The following VEPH1 variants were observed in gnomAD, a reference collection of about 807,000 sequenced individuals.
VEPH1 encodes ventricular zone-expressed PH domain-containing protein homolog 1.
A neutral mutation model predicts 85.2 loss-of-function variants in VEPH1; 80 were observed. That is an observed-to-expected ratio of 0.94 (90% CI 0.78 to 1.13). The LOEUF (loss-of-function observed/expected upper bound fraction) is 1.13, where lower values mean the gene tolerates loss of function less well. Ranked by LOEUF, VEPH1 falls within the 50% of genes most tolerant of loss-of-function variation. The probability of loss-of-function intolerance (pLI) is 0.00; values close to 1 mark genes in which losing one functional copy is unlikely to be tolerated. For missense variants in VEPH1, 955 were observed against 980.5 expected, an observed-to-expected ratio of 0.97 and a Z score of 0.35; for synonymous variants, 297 against 348.0, an observed-to-expected ratio of 0.85 and a Z score of 1.63.
chr3:157,349,661 A>G (rs1294342800), intron 9 of VEPH1, among the ~76,000 whole-genome samples: 7 of 152,188 alleles, frequency 4.6e-5, no homozygotes, highest in Non-Finnish European at 1.0e-4. Context: ...AACTCTAAGA[A>G]TTAATAAATG....
At chr3:157,472,805 A>C (rs1737088006) in intron 2 of VEPH1, among the ~76,000 whole-genome samples, 1 of 152,168 alleles carries the variant, frequency 6.6e-6, no homozygotes, top group East Asian at 1.9e-4. Context: ...TCTGCTAAGG[A>C]TAATGGCCTC....
intron 4 of VEPH1, among the ~76,000 whole-genome samples, chr3:157,434,082 T>C: frequency 6.6e-6 from 1 of 152,202 alleles, no homozygotes; most frequent in East Asian, 1.9e-4. Context: ...CAGAGATATC[T>C]TCCTGTTAAA....
rs376999880 is a variant in VEPH1 at position 157,498,573 on chromosome 3, T to C, written c.-157-3067A>G. Among the ~76,000 whole-genome samples the C allele has an allele frequency of 3.3e-5, 5 of 152,122 alleles. No individual in the cohort carries two copies. The East Asian group carries it at 9.6e-4, about 29-fold the overall frequency. On this transcript the variant is annotated intron_variant, in intron 1 of 13. Coordinates refer to ENST00000362010, the MANE Select transcript of VEPH1 (RefSeq NM_001167912.2). Reference sequence around the variant, plus strand: ...AAGTCAGGATTGAAGGCAGCTGGTCTCCCAGGATAGTTGTATTCATGACTG... The same window carrying C: ...AAGTCAGGATTGAAGGCAGCTGGTCCCCCAGGATAGTTGTATTCATGACTG...
intron 12 of VEPH1, among the ~76,000 whole-genome samples, chr3:157,269,679 T>C (rs1177644621): frequency 1.4e-5 from 2 of 138,246 alleles, no homozygotes; most frequent in Non-Finnish European, 3.1e-5. Flanking sequence ...ATCTAACATA[T>C]GCATGGCTGG....
intron 9 of VEPH1, among the ~76,000 whole-genome samples, chr3:157,328,908 A>C (rs1213806125): frequency 2.6e-5 from 4 of 152,206 alleles, no homozygotes; most frequent in African/African-American, 9.6e-5. Context: ...GTTTTGTGGA[A>C]GAATCTGAGG....
At chr3:157,290,385 A>G (rs1010450646) in intron 11 of VEPH1, among the ~76,000 whole-genome samples, 7 of 152,178 alleles carry the variant, frequency 4.6e-5, no homozygotes, top group African/African-American at 1.7e-4. Flanking sequence ...CTAAGTTACA[A>G]CTGAAATCCT....
intron 4 of VEPH1, among the ~76,000 whole-genome samples, chr3:157,438,803 C>T (rs142705545): frequency 3.3e-4 from 50 of 152,290 alleles, no homozygotes; most frequent in African/African-American, 1.1e-3. Flanking sequence ...CCAATCAATA[C>T]TCCTTTGTAT....
chr3:157,481,467 A>ACAC (rs60293047), intron 2 of VEPH1, among the ~76,000 whole-genome samples: 104 of 53,482 alleles, frequency 1.9e-3, no homozygotes, highest in African/African-American at 3.8e-3. Context: ...CACACACACA[A>ACAC]AAAAAAAAAA....
intron 7 of VEPH1, among the ~76,000 whole-genome samples, chr3:157,380,043 C>T (rs1728585965): frequency 6.6e-6 from 1 of 151,118 alleles, no homozygotes; most frequent in Admixed American, 6.6e-5. Context: ...CAAATAAAAC[C>T]CCTCCCTCAA....
At chr3:157,347,145 T>G (rs1305977652) in intron 9 of VEPH1, among the ~76,000 whole-genome samples, 3 of 152,192 alleles carry the variant, frequency 2.0e-5, no homozygotes, top group Non-Finnish European at 4.4e-5. Context: ...TTTGTCTTGT[T>G]TCTTTTACAG....
chr3:157,374,790 G>T (rs777366978), intron 7 of VEPH1, among the ~76,000 whole-genome samples: 2 of 152,190 alleles, frequency 1.3e-5, no homozygotes, highest in Non-Finnish European at 2.9e-5. Flanking sequence ...CACAAAGAGG[G>T]CATTCTAGAA....
chr3:157,449,947 T>C (rs973262479), intron 4 of VEPH1, among the ~76,000 whole-genome samples: 2 of 151,404 alleles, frequency 1.3e-5, no homozygotes, highest in African/African-American at 4.8e-5. Context: ...TTATTATGAC[T>C]AGTATGTAAG....
chr3:157,473,005 G>A (rs909567987), intron 2 of VEPH1, among the ~76,000 whole-genome samples: 2 of 135,900 alleles, frequency 1.5e-5, no homozygotes, highest in African/African-American at 2.8e-5. Context: ...TCTTTTTGTT[G>A]TTGTTAACAA....
At chr3:157,391,973 C>T (rs1288821759) in intron 6 of VEPH1, among the ~76,000 whole-genome samples, 2 of 152,080 alleles carry the variant, frequency 1.3e-5, no homozygotes, top group South Asian at 2.1e-4. Context: ...TTTCATACCC[C>T]GCCATACTAA....
chr3:157,442,347 T>C (rs776948078), intron 4 of VEPH1: 9 of 1,547,672 alleles, frequency 5.8e-6, no homozygotes, highest in South Asian at 2.4e-5. Flanking sequence ...ATATTCTTCT[T>C]ATTTTCTTGC....
chr3:157,284,636 T>C (rs570939130), intron 12 of VEPH1, among the ~76,000 whole-genome samples: 3 of 148,574 alleles, frequency 2.0e-5, no homozygotes, highest in Non-Finnish European at 3.0e-5. Flanking sequence ...CAACAACCTA[T>C]ATAAACTATC....
intron 2 of VEPH1, among the ~76,000 whole-genome samples, chr3:157,475,055 A>G (rs1051566155): frequency 6.6e-6 from 1 of 151,868 alleles, no homozygotes; most frequent in African/African-American, 2.4e-5. Flanking sequence ...CCATGGCTCA[A>G]TGCAGCCTCA....
intron 12 of VEPH1, among the ~76,000 whole-genome samples, chr3:157,272,256 C>G (rs1458176120): frequency 3.6e-5 from 1 of 27,674 alleles, no homozygotes; most frequent in Non-Finnish European, 7.7e-5. Context: ...TTCCTTCCTT[C>G]CTTCCTTCCT....
At chr3:157,442,544 G>A in intron 4 of VEPH1, 1 of 1,614,172 alleles carries the variant, frequency 6.2e-7, no homozygotes, top group Non-Finnish European at 8.5e-7. Context: ...ATGAAATCCA[G>A]CTGTATCTCA....
Sources: gnomAD v4.1 joint callset for allele counts (sites outside exome capture counted in the v4.1 genomes callset) on GRCh38, gnomAD v4.1.1 for gene constraint, MANE v1.5 for transcripts, NCBI Gene and HGNC (gene_info 2026-07-23, HGNC 2026-07-21) for gene names.